TXNRD1: variants seen among roughly 807,000 people sequenced by gnomAD.
The protein encoded by TXNRD1 is thioredoxin reductase 1.
A neutral mutation model predicts 80.3 loss-of-function variants in TXNRD1; 57 were observed. That is an observed-to-expected ratio of 0.71 (90% CI 0.57 to 0.89). The LOEUF (loss-of-function observed/expected upper bound fraction) is 0.89, where lower values mean the gene tolerates loss of function less well. Ranked by LOEUF, TXNRD1 falls within the 40% of genes least tolerant of loss-of-function variation. The pLI is 0.00. For missense variants in TXNRD1, 730 were observed against 803.0 expected (o/e 0.91, Z 1.10); for synonymous variants, 291 against 285.2 (o/e 1.02, Z -0.20).
chr12:104,245,618 C>T lies in TXNRD1; in HGVS notation c.92-5909C>T, dbSNP rs80065505. Among the ~76,000 whole-genome samples the T allele has an allele frequency of 5.2e-3, 733 of 141,098 alleles. 7 individuals carry two copies. The highest frequency in any genetic ancestry group is 7.4e-3 in the Non-Finnish European group (488 of 66,150). 92.6% of individuals were successfully genotyped at this position (141,098 alleles called of 152,430 possible). A position where few individuals can be genotyped will look rare whatever the true frequency, so the allele number is the denominator to read the frequency against. On this transcript the variant is annotated intron_variant, in intron 1 of 16. Transcript: ENST00000525566. ...GATCCGAGATGGAGCCACTGCACTGCAGCCTGGGTGTTGGAGCAAGACCCT... is the reference window on the plus strand; with the variant it reads ...GATCCGAGATGGAGCCACTGCACTGTAGCCTGGGTGTTGGAGCAAGACCCT...
chr12:104,254,277 A>T (rs2033190555), intron 2 of TXNRD1, among the ~76,000 whole-genome samples: 1 of 152,180 alleles, frequency 6.6e-6, no homozygotes, highest in African/African-American at 2.4e-5. Flanking sequence ...GTGTTTGTTA[A>T]ATAAAAGAAC....
intron 13 of TXNRD1, among the ~76,000 whole-genome samples, chr12:104,328,324 C>A (rs1159579649): frequency 1.3e-5 from 2 of 152,018 alleles, no homozygotes; most frequent in African/African-American, 2.4e-5. Context: ...TTCATCATTA[C>A]CAGTATAAAT....
intron 1 of TXNRD1, among the ~76,000 whole-genome samples, chr12:104,222,135 C>T (rs890575714): frequency 1.3e-5 from 2 of 152,038 alleles, no homozygotes; most frequent in African/African-American, 4.8e-5. Flanking sequence ...AAGCAAAATA[C>T]TGAGGGTCAA....
intron 2 of TXNRD1, among the ~76,000 whole-genome samples, chr12:104,257,089 T>C (rs564951635): frequency 2.0e-5 from 3 of 151,870 alleles, no homozygotes; most frequent in Non-Finnish European, 4.4e-5. Flanking sequence ...TTCTAAACTT[T>C]CCTAAATTAT....
chr12:104,334,666 C>T lies in TXNRD1; in HGVS notation c.1746+334C>T, dbSNP rs538165508. ...ATGTACAGGCGTGAGCCACCATACC[C>T]GGCTTTAGTTTTTAATATATAGCTT... On this transcript the variant is annotated intron_variant, in intron 15 of 16. Coordinates refer to ENST00000525566, the MANE Select transcript of TXNRD1 (RefSeq NM_001093771.3). Among the ~76,000 whole-genome samples, 11 of 152,258 alleles carry T rather than the reference C, an allele frequency of 7.2e-5. No homozygotes were observed. The East Asian group carries it at 1.5e-3, about 21-fold the overall frequency.
rs185675307 is a variant in TXNRD1, at chr12:104,249,711, A to G, written c.92-1816A>G. 6.5e-3 allele frequency among the ~76,000 whole-genome samples: 983 copies of G among 152,216 alleles called. 11 individuals are homozygous for G. The highest frequency in any genetic ancestry group is 0.022 in the African/African-American group (897 of 41,546). On this transcript the variant is annotated intron_variant, in intron 1 of 16. Coordinates refer to ENST00000525566, the MANE Select transcript of TXNRD1 (RefSeq NM_001093771.3). ...AGCACTTTGGGAGGCCAAGGTGGGC[A>G]GATCACGAGGTCAGGAGATCAAGAC... is the stretch of plus-strand genomic sequence containing the variant.
intron 4 of TXNRD1, among the ~76,000 whole-genome samples, chr12:104,299,021 C>T (rs2034524936): frequency 1.3e-5 from 2 of 152,232 alleles, no homozygotes; most frequent in Admixed American, 1.3e-4. Flanking sequence ...AAAGTCCACC[C>T]TGTGGAACCA....
chr12:104,339,008 G>T, intron 15 of TXNRD1, 131 bp from the exon 16 acceptor site: 6 of 1,252,428 alleles, frequency 4.8e-6, no homozygotes, highest in East Asian at 2.6e-5. Context: ...GAGCCACTGC[G>T]CCCGGCCAGT....
At chr12:104,284,034 A>G (rs969925469) in intron 3 of TXNRD1, among the ~76,000 whole-genome samples, 37 of 152,200 alleles carry the variant, frequency 2.4e-4, no homozygotes, top group African/African-American at 8.7e-4. Flanking sequence ...TTGCTGGTTA[A>G]GGGAGTTCTG....
chr12:104,264,036 A>C (rs903843916), intron 3 of TXNRD1, among the ~76,000 whole-genome samples: 13 of 152,254 alleles, frequency 8.5e-5, no homozygotes, highest in South Asian at 4.2e-4. Flanking sequence ...TCCTTGAACA[A>C]ATAAAAACCC....
chr12:104,323,778 C>T (rs957122170), intron 10 of TXNRD1, among the ~76,000 whole-genome samples: 8 of 141,080 alleles, frequency 5.7e-5, no homozygotes, highest in Non-Finnish European at 1.1e-4. Context: ...CCTCACCTCC[C>T]GGACGGGGCG....
intron 4 of TXNRD1, chr12:104,309,854 G>A (rs1218484259): frequency 6.5e-7 from 1 of 1,535,630 alleles, no homozygotes; most frequent in Non-Finnish European, 8.7e-7. Context: ...TGTGCAGACT[G>A]TCAGAGTGGT....
At chr12:104,231,070 G>A (rs1005462833) in intron 1 of TXNRD1, among the ~76,000 whole-genome samples, 17 of 152,166 alleles carry the variant, frequency 1.1e-4, no homozygotes, top group African/African-American at 7.2e-5. Flanking sequence ...TTGCCTGCCC[G>A]GCTCTAAGAG....
At chr12:104,263,504 C>T (rs762224688) in intron 3 of TXNRD1, among the ~76,000 whole-genome samples, 3 of 152,174 alleles carry the variant, frequency 2.0e-5, no homozygotes, top group African/African-American at 7.2e-5. Context: ...ATGCCAGCTA[C>T]ACACATCTTG....
At chr12:104,339,425 C>A (rs1168167405) in intron 16 of TXNRD1, 152 bp downstream of exon 16, 1 of 1,053,460 alleles carries the variant, frequency 9.5e-7, no homozygotes, top group East Asian at 2.4e-5. Flanking sequence ...TTTTGTCTTT[C>A]AATACTGATT....
chr12:104,295,796 A>G (rs960783421), intron 4 of TXNRD1, among the ~76,000 whole-genome samples: 3 of 152,202 alleles, frequency 2.0e-5, no homozygotes, highest in African/African-American at 7.2e-5. Context: ...CCTGCCAATG[A>G]TAACTTTTTG....
intron 4 of TXNRD1, among the ~76,000 whole-genome samples, chr12:104,300,673 GT>G (rs1189996046): frequency 6.6e-6 from 1 of 152,144 alleles, no homozygotes; most frequent in Non-Finnish European, 1.5e-5. Flanking sequence ...GATTTGTTTT[GT>G]TTTGTTTTGT....
chr12:104,349,066 C>T lies in TXNRD1; in HGVS notation c.*645C>T, dbSNP rs2135908244. On this transcript the variant is annotated 3_prime_UTR_variant, in exon 17 of 17. Coordinates refer to ENST00000525566, the MANE Select transcript of TXNRD1 (RefSeq NM_001093771.3). ...TGCGATCAACTCTAGCCAAATTTGCCCCTGTGTGCTACATGATGGATGATT... is the reference window on the plus strand; with the variant it reads ...TGCGATCAACTCTAGCCAAATTTGCTCCTGTGTGCTACATGATGGATGATT... The T allele has an allele frequency of 6.6e-6, 1 of 152,350 alleles. No homozygotes were observed. The highest frequency in any genetic ancestry group is 6.5e-5 in the Admixed American group (1 of 15,306). The allele number at this position is 152,350 out of a possible 1,614,324, so 9.4% of individuals were successfully genotyped here.
intron 6 of TXNRD1, among the ~76,000 whole-genome samples, chr12:104,314,744 T>C (rs1008911263): frequency 1.9e-4 from 28 of 145,110 alleles, no homozygotes; most frequent in African/African-American, 4.4e-4. Flanking sequence ...TTTTCTTTTT[T>C]TTTTTTTTTT....
Sources: gnomAD v4.1 joint callset for allele counts (sites outside exome capture counted in the v4.1 genomes callset) on GRCh38, gnomAD v4.1.1 for gene constraint, MANE v1.5 for transcripts, NCBI Gene and HGNC (gene_info 2026-07-23, HGNC 2026-07-21) for gene names.